RIIAD1: variants seen among roughly 807,000 people sequenced by gnomAD.
The protein encoded by RIIAD1 is regulatory subunit of type II PKA R-subunit domain containing 1, also known as RIIa domain-containing protein 1.
Under a neutral mutation model 13.3 loss-of-function variants are expected in RIIAD1, and 15 were observed. The ratio of observed to expected loss-of-function variants is 1.13; its 90% CI spans 0.76 to 1.74. The LOEUF is 1.74. RIIAD1 is among the 40% of genes most tolerant of loss of function. The pLI is 0.00. For synonymous variants in RIIAD1, 50 were observed against 43.3 expected, an observed-to-expected ratio of 1.16 and a Z score of -0.61; for missense variants, 121 against 112.2, an observed-to-expected ratio of 1.08 and a Z score of -0.35.
intron 4 of RIIAD1, chr1:151,716,124 G>A: frequency 1.6e-6 from 2 of 1,265,530 alleles, no homozygotes; most frequent in Non-Finnish European, 2.1e-6. Context: ...GGGCCCAGCT[G>A]GGGCTGGCTT....
At chr1:151,727,682 G>T (rs1283415221) in intron 3 of RIIAD1, 61 bp downstream of exon 3, 11 of 1,171,744 alleles carry the variant, frequency 9.4e-6, no homozygotes, top group Non-Finnish European at 1.4e-5. Flanking sequence ...GCATGATTGT[G>T]AGTTTAGACT....
At chr1:151,724,702 A>G (rs1468593416) in intron 2 of RIIAD1, among the ~76,000 whole-genome samples, 1 of 152,248 alleles carries the variant, frequency 6.6e-6, no homozygotes, top group African/African-American at 2.4e-5. Flanking sequence ...TGGACCTGAA[A>G]AATGGAAAGA....
chr1:151,727,756 C>T (rs1673859611), intron 3 of RIIAD1, 135 bp downstream of exon 3: 1 of 611,130 alleles, frequency 1.6e-6, no homozygotes, highest in South Asian at 2.1e-5. Flanking sequence ...CCAAAGGGAG[C>T]TTTTTTCAGC....
intron 2 of RIIAD1, among the ~76,000 whole-genome samples, chr1:151,723,231 C>T (rs1261237405): frequency 6.6e-6 from 1 of 151,958 alleles, no homozygotes; most frequent in Non-Finnish European, 1.5e-5. Context: ...CCCGTCTCTA[C>T]TAAAAATACA....
chr1:151,716,879 T>C, upstream of RIIAD1: 3 of 433,754 alleles, frequency 6.9e-6, no homozygotes, highest in South Asian at 4.9e-5. Context: ...AGGGGTCGAA[T>C]ACAAATTCTC....
chr1:151,721,700 C>A, intron 1 of RIIAD1, 80 bp downstream of exon 1: 1 of 809,416 alleles, frequency 1.2e-6, no homozygotes, highest in Non-Finnish European at 1.7e-6. Context: ...GGGAAGAGAG[C>A]CGCCGAGAGA....
intron 3 of RIIAD1, 55 bp from the exon 4 acceptor site, chr1:151,728,711 G>C: frequency 9.3e-7 from 1 of 1,074,430 alleles, no homozygotes; most frequent in South Asian, 1.3e-5. Context: ...CCTTCCATGG[G>C]TAAATCTTTT....
In RIIAD1 at chr1:151,728,912, T is replaced by TA. The variant is rs1647251791; in HGVS notation, c.*57+20dup. 5.1e-6 allele frequency: 4 copies of TA among 787,598 alleles called. No individual in the cohort carries two copies. Among genetic ancestry groups the TA allele is most frequent in the African/African-American group, 1.7e-5 (1 of 58,466 alleles). 48.8% of individuals were successfully genotyped at this position (787,598 alleles called of 1,614,324 possible). On this transcript the variant is annotated intron_variant, in intron 4 of 4. Transcript: ENST00000479191. ...CCTCGGGGTGGGTGTTAACCTCACT[T>TA]ACAGACAGAGGCTTCTTTACTCTTG...
chr1:151,725,104 C>T (rs1376085906), intron 2 of RIIAD1, among the ~76,000 whole-genome samples: 6 of 123,884 alleles, frequency 4.8e-5, no homozygotes, highest in Non-Finnish European at 8.3e-5. Flanking sequence ...CACCGCACCT[C>T]GCCTTTTTTT....
chr1:151,728,517 C>T (rs1470532177), intron 3 of RIIAD1: 8 of 462,458 alleles, frequency 1.7e-5, no homozygotes, highest in South Asian at 8.1e-5. Flanking sequence ...CCAGGCACAG[C>T]GTGGAGGGGA....
intron 1 of RIIAD1, chr1:151,711,801 C>A (rs1186982351): frequency 1.3e-5 from 2 of 152,316 alleles, no homozygotes; most frequent in Non-Finnish European, 2.9e-5. Context: ...TTGGCGCTAG[C>A]CCCCTTCCCA....
chr1:151,727,513 A>G (rs556778068), intron 2 of RIIAD1, 62 bp from the exon 3 acceptor site: 210 of 1,126,706 alleles, frequency 1.9e-4, no homozygotes, highest in Non-Finnish European at 2.6e-4. Flanking sequence ...GACCTGAAAC[A>G]GTAGCCACAG....
rs139560008 is a variant in RIIAD1 at position 151,727,438 on chromosome 1, C to G, written c.162-137C>G. On this transcript the variant is annotated intron_variant, in intron 2 of 4. Coordinates refer to ENST00000479191, the MANE Select transcript of RIIAD1 (RefSeq NM_001144956.3). ...AAATCATGAATGAAAGGGTCTTTGT[C>G]AGGAGTCTGCGGATTTATTGACTCC... 1,260 of 692,236 alleles carry G rather than the reference C, an allele frequency of 1.8e-3. 7 individuals are homozygous for G. Among genetic ancestry groups the G allele is most frequent in the African/African-American group, 9.5e-3 (529 of 55,438 alleles). 42.9% of individuals were successfully genotyped at this position (692,236 alleles called of 1,614,324 possible). A position where few individuals can be genotyped will look rare whatever the true frequency, so the allele number is the denominator to read the frequency against.
chr1:151,714,709 G>C (rs1294905715), intron 4 of RIIAD1: 1 of 1,451,560 alleles, frequency 6.9e-7, no homozygotes, highest in Non-Finnish European at 9.5e-7. Context: ...AAACACGGCG[G>C]GGGGTGAGTC....
Position 151,728,766 on chromosome 1 carries a change from A to G in RIIAD1, c.209A>G (p.Asp70Gly), listed in dbSNP as rs1388730578. The G allele has an allele frequency of 6.6e-7, 1 of 1,522,164 alleles. No individual in the cohort carries two copies. The allele number at this position is 1,522,164 out of a possible 1,614,324, so 94.3% of individuals were successfully genotyped here. A position where few individuals can be genotyped will look rare whatever the true frequency, so the allele number is the denominator to read the frequency against. Residue 70 changes from aspartate (D) to glycine (G), a missense_variant and splice_region_variant, in exon 4 of 5, where the codon GAC becomes GGC. Transcript: ENST00000479191. ...GTCTTCTTTTTGATTTTTATCCCAGACTACTTCACGGATCCAAGACTTCCC... is the reference window on the plus strand; with the variant it reads ...GTCTTCTTTTTGATTTTTATCCCAGGCTACTTCACGGATCCAAGACTTCCC... ...RPDNILEFAA[D>G]YFTDPRLPNK...
chr1:151,721,465 C>T (rs1042663430), upstream of RIIAD1: 5 of 945,876 alleles, frequency 5.3e-6, no homozygotes, highest in African/African-American at 8.6e-5. Flanking sequence ...AGGGGCCGGG[C>T]TTGGGGGCAG....
chr1:151,714,664 A>C, intron 4 of RIIAD1: 1 of 1,559,272 alleles, frequency 6.4e-7, no homozygotes, highest in Non-Finnish European at 8.7e-7. Context: ...ACAGTATGTC[A>C]GGAAGGCACA....
upstream of RIIAD1, chr1:151,719,818 T>C (rs755092988): frequency 3.4e-6 from 2 of 587,644 alleles, no homozygotes; most frequent in Non-Finnish European, 6.0e-6. Context: ...TGATTGATTA[T>C]CAAAGCACAA....
chr1:151,720,547 T>G (rs979080856), upstream of RIIAD1, among the ~76,000 whole-genome samples: 1 of 152,254 alleles, frequency 6.6e-6, no homozygotes, highest in African/African-American at 2.4e-5. Flanking sequence ...TCACTTCTTT[T>G]CCTCAGTCTT....
Sources: gnomAD v4.1 joint callset for allele counts (sites outside exome capture counted in the v4.1 genomes callset) on GRCh38, gnomAD v4.1.1 for gene constraint, MANE v1.5 for transcripts, NCBI Gene and HGNC (gene_info 2026-07-23, HGNC 2026-07-21) for gene names.